Variants in SCN10A observed in about 807,000 individuals in gnomAD.
The protein encoded by SCN10A is sodium channel protein type 10 subunit alpha.
SCN10A carries 162 observed loss-of-function variants against 170.7 expected under a neutral mutation model. That is an observed-to-expected ratio of 0.95 (90% CI 0.84 to 1.08). The LOEUF is 1.08. Ranked by LOEUF, SCN10A falls within the 50% of genes least tolerant of loss-of-function variation. The pLI is 0.00. For synonymous variants in SCN10A, 985 were observed against 904.6 expected, an observed-to-expected ratio of 1.09 and a Z score of -1.59; for missense variants, 2,527 against 2,436.9, an observed-to-expected ratio of 1.04 and a Z score of -0.78.
At chr3:38,790,130 TG>T (rs906603413) in intron 3 of SCN10A, among the ~76,000 whole-genome samples, 3 of 152,078 alleles carry the variant, frequency 2.0e-5, no homozygotes, top group African/African-American at 7.2e-5. Context: ...TATGCTCACA[TG>T]GGGGGAAATG....
chr3:38,798,786 C>CTTTTTTTTTTTTTTTTT (rs35930968), intron 1 of SCN10A, among the ~76,000 whole-genome samples: 1 of 97,732 alleles, frequency 1.0e-5, no homozygotes, highest in Non-Finnish European at 1.9e-5. Flanking sequence ...CCCTTGCCTC[C>CTTTTTTTTTTTTTTTTT]TTTTTTTTTT....
In SCN10A at chr3:38,712,368, G is replaced by A; in HGVS notation, c.3882C>T (p.Ile1294=). 2 of 1,614,200 alleles carry A rather than the reference G, an allele frequency of 1.2e-6. No individual in the cohort carries two copies. Among genetic ancestry groups the A allele is most frequent in the East Asian group, 4.5e-5 (2 of 44,888 alleles). Residue 1294 remains isoleucine (I), a synonymous_variant, in exon 23 of 28, where the codon ATC becomes ATT. Transcript: ENST00000449082. The stretch of plus-strand genomic sequence containing the variant: ...AGAGGTTCACACCCATGATGCTGAA[G>A]ATGAGCCAGAAGATGAGGCAGACGA... ...VLLVCLIFWL[I]FSIMGVNLFA... is the part of the protein sequence containing the mutation.
At position 38,723,516 on chromosome 3, in the gene SCN10A, AC is replaced by A. The variant is rs1559423754; in HGVS notation, c.3265del (p.Val1089TrpfsTer4). ...DDTSSSEGST[V>X]DCLDPEEILR... is the part of the protein sequence containing the mutation. ...GATTTCCTCAGGATCTAGGCAGTCC[AC>A]CGTGCTGCCCTCAGAGGAGCTTGTG... On this transcript the variant is annotated frameshift_variant, in exon 19 of 28. Transcript: ENST00000449082. LOFTEE classifies it high-confidence loss of function. The A allele has an allele frequency of 6.2e-7, 1 of 1,610,866 alleles. No homozygotes were observed. The highest frequency in any genetic ancestry group is 1.1e-5 in the South Asian group (1 of 90,538).
chr3:38,740,816 C>T (rs1321299230), intron 14 of SCN10A, among the ~76,000 whole-genome samples: 1 of 152,194 alleles, frequency 6.6e-6, no homozygotes, highest in African/African-American at 2.4e-5. Context: ...TCCTCTGACA[C>T]TGTGGGAAAG....
chr3:38,812,762 G>A (rs760616786), intron 1 of SCN10A, among the ~76,000 whole-genome samples: 18 of 152,132 alleles, frequency 1.2e-4, no homozygotes, highest in Non-Finnish European at 2.1e-4. Context: ...CGCTGGGCAT[G>A]GTAGCTCACA....
chr3:38,746,027 A>G (rs1575992391), intron 13 of SCN10A, among the ~76,000 whole-genome samples: 1 of 117,038 alleles, frequency 8.5e-6, no homozygotes, highest in African/African-American at 3.1e-5. Flanking sequence ...CTGCTTTCAA[A>G]TATATATATA....
At chr3:38,771,445 A>C (rs2063999386) in intron 4 of SCN10A, 38 bp from the exon 5 acceptor site, 1 of 1,609,054 alleles carries the variant, frequency 6.2e-7, no homozygotes, top group South Asian at 1.1e-5. Flanking sequence ...CAACTGTGCC[A>C]TGGAGTGTAC....
At chr3:38,786,541 T>C (rs557157259) in intron 4 of SCN10A, among the ~76,000 whole-genome samples, 1 of 152,090 alleles carries the variant, frequency 6.6e-6, no homozygotes, top group African/African-American at 2.4e-5. Flanking sequence ...GATGGGTTGA[T>C]GGGTGCAGCA....
chr3:38,718,664 G>A lies in SCN10A; in HGVS notation c.3670C>T (p.Leu1224Phe), dbSNP rs200597401. 8.1e-6 allele frequency: 13 copies of A among 1,614,198 alleles called. No individual in the cohort carries two copies. The East Asian group carries it at 2.7e-4, about 33-fold the overall frequency. The change falls in exon 21 of 28, where the codon CTC becomes TTC. Residue 1224 changes from leucine (L) to phenylalanine (F), a missense_variant. Leu to Phe is a conservative substitution (Grantham distance 22, BLOSUM62 0). Transcript: ENST00000449082. Reference sequence around the variant, plus strand: ...ACTGAGCCACTCACATTCACAATGAGGAAGTCCAGCCAGCACCAGGCATTG... The same window carrying A: ...ACTGAGCCACTCACATTCACAATGAAGAAGTCCAGCCAGCACCAGGCATTG... Reference protein sequence around the residue: ...FTNAWCWLDFLIVNISLISLT... With the variant: ...FTNAWCWLDFFIVNISLISLT...
intron 26 of SCN10A, among the ~76,000 whole-genome samples, chr3:38,702,409 G>A (rs1257760201): frequency 6.6e-6 from 1 of 152,160 alleles, no homozygotes; most frequent in Non-Finnish European, 1.5e-5. Context: ...AATTCCAACA[G>A]TCTTGAGTAA....
At chr3:38,812,842 TG>T (rs894527684) in intron 1 of SCN10A, among the ~76,000 whole-genome samples, 4 of 152,112 alleles carry the variant, frequency 2.6e-5, no homozygotes, top group Non-Finnish European at 5.9e-5. Context: ...GAGACCAGCC[TG>T]GGCAACATGG....
In SCN10A at chr3:38,702,046, C is replaced by A. The variant is rs773638118; in HGVS notation, c.4450G>T (p.Val1484Phe). The part of the protein sequence containing the change: ...TRQAFDITIM[V>F]LICLNMITMM... ...GTGATCATGTTGAGGCAGATGAGGA[C>A]CATGATGGTGATGTCAAAAGCTTGT... The change falls in exon 27 of 28, where the codon GTC becomes TTC. Residue 1484 changes from valine (V) to phenylalanine (F), a missense_variant. Physicochemically the swap from Val to Phe is conservative, Grantham distance 50 (BLOSUM62 -1). Coordinates refer to ENST00000449082, the MANE Select transcript of SCN10A (RefSeq NM_006514.4). The A allele has an allele frequency of 5.6e-6, 9 of 1,602,734 alleles. No individual in the cohort carries two copies.
At position 38,761,265 on chromosome 3, in the gene SCN10A, G is replaced by T; in HGVS notation, c.810C>A (p.Gly270=). 1 of 1,613,926 alleles carries T rather than the reference G, an allele frequency of 6.2e-7. No homozygotes were observed. Among genetic ancestry groups the T allele is most frequent in the Non-Finnish European group, 8.5e-7 (1 of 1,179,916 alleles). ...FALVGLQLFK[G]NLKNKCVKND... Reference sequence around the variant, plus strand: ...TCTTGACACATTTATTTTTGAGGTTGCCCTTGAAGAGTTGCAGCCCCACCA... The same window carrying T: ...TCTTGACACATTTATTTTTGAGGTTTCCCTTGAAGAGTTGCAGCCCCACCA... The change falls in exon 7 of 28, where the codon GGC becomes GGA. Residue 270 remains glycine, a synonymous_variant. Coordinates refer to ENST00000449082, the MANE Select transcript of SCN10A (RefSeq NM_006514.4).
intron 21 of SCN10A, among the ~76,000 whole-genome samples, chr3:38,715,147 G>C (rs890473762): frequency 3.3e-5 from 5 of 152,282 alleles, no homozygotes; most frequent in Admixed American, 2.0e-4. Flanking sequence ...CAGCTGCCTG[G>C]GTGCATGAGG....
intron 15 of SCN10A, among the ~76,000 whole-genome samples, chr3:38,734,893 G>A (rs139869028): frequency 7.8e-4 from 119 of 152,172 alleles, no homozygotes; most frequent in African/African-American, 2.7e-3. Context: ...AATTAGGCTG[G>A]GCGTGGGTGG....
At chr3:38,769,821 T>G (rs774550874) in intron 5 of SCN10A, among the ~76,000 whole-genome samples, 4 of 152,076 alleles carry the variant, frequency 2.6e-5, no homozygotes, top group Admixed American at 6.5e-5. Context: ...GCAGTGATCG[T>G]TATTGTTCTT....
intron 27 of SCN10A, 90 bp from the exon 28 acceptor site, chr3:38,698,652 A>G (rs1000310431): frequency 2.4e-6 from 3 of 1,255,132 alleles, no homozygotes; most frequent in East Asian, 4.7e-5. Flanking sequence ...TTTGCTTGGT[A>G]TAGACTGCCA....
intron 1 of SCN10A, among the ~76,000 whole-genome samples, chr3:38,815,325 C>T (rs754254420): frequency 6.6e-6 from 1 of 152,148 alleles, no homozygotes; most frequent in Non-Finnish European, 1.5e-5. Context: ...GTTTCTCAAC[C>T]TTGTTGTCCA....
intron 7 of SCN10A, 58 bp from the exon 8 acceptor site, chr3:38,760,805 C>T (rs2063861642): frequency 7.1e-7 from 1 of 1,399,088 alleles, no homozygotes; most frequent in Admixed American, 1.7e-5. Flanking sequence ...CAACCCAAGC[C>T]TTGTGTGGTG....
Sources: gnomAD v4.1 joint callset for allele counts (sites outside exome capture counted in the v4.1 genomes callset) on GRCh38, gnomAD v4.1.1 for gene constraint, MANE v1.5 for transcripts, NCBI Gene and HGNC (gene_info 2026-07-23, HGNC 2026-07-21) for gene names.